Variants in ZG16B observed in about 807,000 individuals in gnomAD.
ZG16B encodes pancreatic adenocarcinoma up-regulated factor.
In ZG16B, 8 loss-of-function variants were observed where a neutral mutation model predicts 7.0. The ratio of observed to expected loss-of-function variants is 1.15; its 90% CI spans 0.68 to 2.08. The LOEUF (loss-of-function observed/expected upper bound fraction) is 2.08, where lower values mean the gene tolerates loss of function less well. ZG16B is among the 30% of genes most tolerant of loss of function. The pLI is 0.00. For synonymous variants in ZG16B, 92 were observed against 86.1 expected (o/e 1.07, Z -0.38); for missense variants, 232 against 211.0 (o/e 1.10, Z -0.62).
chr16:2,832,254 C>A lies in ZG16B; in HGVS notation c.*95C>A. 2.0e-6 allele frequency: 3 copies of A among 1,507,824 alleles called. No homozygotes were observed. Among genetic ancestry groups the A allele is most frequent in the Non-Finnish European group, 2.7e-6 (3 of 1,125,242 alleles). The allele number at this position is 1,507,824 out of a possible 1,614,324, so 93.4% of individuals were successfully genotyped here. ...GTCGGGACGCTGAATCTGAATCCAC[C>A]AATAAATAAAGGTTCTGCAGAATCA... On this transcript the variant is annotated 3_prime_UTR_variant, in exon 4 of 4. Coordinates refer to ENST00000382280, the MANE Select transcript of ZG16B (RefSeq NM_145252.3).
Position 2,830,420 on chromosome 16 carries a change from T to G in ZG16B, c.-22T>G, listed in dbSNP as rs1029436427. The G allele has an allele frequency of 3.7e-6, 6 of 1,604,124 alleles. No homozygotes were observed. Among genetic ancestry groups the G allele is most frequent in the Non-Finnish European group, 5.1e-6 (6 of 1,175,926 alleles). On this transcript the variant is annotated 5_prime_UTR_variant, in exon 2 of 4. Transcript: ENST00000382280. ...GGCCTCTCTTCTTCCCACAGAGCCCTGGGATGCACCGGCCAGAGGCCATGC... is the reference window on the plus strand; with the variant it reads ...GGCCTCTCTTCTTCCCACAGAGCCCGGGGATGCACCGGCCAGAGGCCATGC...
intron 3 of ZG16B, among the ~76,000 whole-genome samples, chr16:2,831,420 A>G (rs2069255187): frequency 6.6e-6 from 1 of 152,110 alleles, no homozygotes; most frequent in Admixed American, 6.5e-5. Context: ...TGGAGTGACT[A>G]AGGCTCGGGA....
rs370644976 is a variant in ZG16B at position 2,831,880 on chromosome 16, C to A, written c.240C>A (p.Gly80=). Reference sequence around the variant, plus strand: ...CCCAGGAAGTCACCCTGCAGCCAGGCGAATACATCACAAAAGTCTTTGTCG... The same window carrying A: ...CCCAGGAAGTCACCCTGCAGCCAGGAGAATACATCACAAAAGTCTTTGTCG... ...GNTQEVTLQP[G]EYITKVFVAF... is the part of the protein sequence containing the mutation. The change falls in exon 4 of 4, where the codon GGC becomes GGA. Residue 80 remains glycine, a synonymous_variant. Coordinates refer to ENST00000382280, the MANE Select transcript of ZG16B (RefSeq NM_145252.3). 4 of 1,613,974 alleles carry A rather than the reference C, an allele frequency of 2.5e-6. No individual in the cohort carries two copies. The African/African-American group carries it at 4.0e-5, about 16-fold the overall frequency.
At position 2,832,107 on chromosome 16, in the gene ZG16B, C is replaced by G. The variant is rs1192364039; in HGVS notation, c.467C>G (p.Thr156Ser). ...AATTATCCACTAGAGGAGCCGACCA[C>G]TGAGCCACCAGTTAATCTCACATAC... Reference protein sequence around the residue: ...EWNYPLEEPTTEPPVNLTYSA... With the variant: ...EWNYPLEEPTSEPPVNLTYSA... The change falls in exon 4 of 4, where the codon ACT becomes AGT. Residue 156 changes from threonine (T) to serine (S), a missense_variant. Thr to Ser is a moderately conservative substitution (Grantham distance 58). Transcript: ENST00000382280. The G allele has an allele frequency of 6.2e-7, 1 of 1,614,146 alleles. No individual in the cohort carries two copies. Among genetic ancestry groups the G allele is most frequent in the South Asian group, 1.1e-5 (1 of 91,074 alleles).
At chr16:2,830,873 T>TTCCTGTGCAA (rs2069251044) in intron 3 of ZG16B, 77 bp downstream of exon 3, 8 of 1,505,218 alleles carry the variant, frequency 5.3e-6, no homozygotes, top group Admixed American at 1.7e-5. Flanking sequence ...GGGCAGGGGG[T>TTCCTGTGCAA]AAGCACCCGT....
chr16:2,831,805 G>A lies in ZG16B; in HGVS notation c.165G>A (p.Val55=). 2 of 1,611,648 alleles carry A rather than the reference G, an allele frequency of 1.2e-6. No individual in the cohort carries two copies. Among genetic ancestry groups the A allele is most frequent in the Non-Finnish European group, 1.7e-6 (2 of 1,178,358 alleles). Residue 55 remains valine (V), a synonymous_variant, in exon 4 of 4, where the codon GTG becomes GTA. Transcript: ENST00000382280. ...VGLLLVKSVQ[V]KLGDSWDVKL... is the part of the protein sequence containing the mutation. ...TTTGCCTCTCTCCCAGTGTCCAGGT[G>A]AAACTTGGAGACTCCTGGGACGTGA...
At chr16:2,831,371 G>A (rs950909305) in intron 3 of ZG16B, among the ~76,000 whole-genome samples, 5 of 152,196 alleles carry the variant, frequency 3.3e-5, no homozygotes, top group South Asian at 4.1e-4. Context: ...TGGCGAGTGT[G>A]GGAAGTCACC....
chr16:2,831,651 G>A, intron 3 of ZG16B, 145 bp from the exon 4 acceptor site: 2 of 1,216,484 alleles, frequency 1.6e-6, no homozygotes, highest in Middle Eastern at 2.9e-4. Flanking sequence ...AATCAGGGTT[G>A]GTGACCAGTG....
chr16:2,831,730 G>A (rs549713129), intron 3 of ZG16B, 66 bp from the exon 4 acceptor site: 27 of 1,544,980 alleles, frequency 1.7e-5, no homozygotes, highest in East Asian at 2.3e-5. Flanking sequence ...GGATGGGGGC[G>A]CTGAGGACCC....
rs927439407 is a variant in ZG16B at position 2,830,312 on chromosome 16, G to A, written c.-44G>A. The A allele has an allele frequency of 4.0e-5, 64 of 1,613,140 alleles. No homozygotes were observed. Among genetic ancestry groups the A allele is most frequent in the Non-Finnish European group, 4.8e-5 (57 of 1,179,650 alleles). ...TGGAGGGTGCCCGGCACAACCAGAC[G>A]CCCAGTCACAGGCGAGGTAAGGTGC... On this transcript the variant is annotated 5_prime_UTR_variant, in exon 1 of 4. Transcript: ENST00000382280.
At chr16:2,831,245 G>A (rs2069254057) in intron 3 of ZG16B, 1 of 187,664 alleles carries the variant, frequency 5.3e-6, no homozygotes, top group East Asian at 1.4e-4. Flanking sequence ...CTGGGAGAGG[G>A]GAGAGAAGCC....
Position 2,832,089 on chromosome 16 carries a change from C to T in ZG16B, c.449C>T (p.Pro150Leu), listed in dbSNP as rs910967013. ...IKSIGFEWNY[P>L]LEEPTTEPPV... Reference sequence around the variant, plus strand: ...AGCATTGGCTTTGAATGGAATTATCCACTAGAGGAGCCGACCACTGAGCCA... The same window carrying T: ...AGCATTGGCTTTGAATGGAATTATCTACTAGAGGAGCCGACCACTGAGCCA... The change falls in exon 4 of 4, where the codon CCA becomes CTA. Residue 150 changes from proline (P) to leucine (L), a missense_variant. Pro to Leu is a moderately conservative substitution (Grantham distance 98). Transcript: ENST00000382280. 3 of 1,614,096 alleles carry T rather than the reference C, an allele frequency of 1.9e-6. No individual in the cohort carries two copies. The African/African-American group carries it at 4.0e-5, about 22-fold the overall frequency.
rs560278319 is a variant in ZG16B, at chr16:2,830,683, C to G, written c.53-11C>G. The stretch of plus-strand genomic sequence containing the variant: ...GGGATTTTCTTCCCTTTGGGTCTCT[C>G]TTTTCTTCAGAGATGTATGGCCCTG... On this transcript the variant is annotated splice_polypyrimidine_tract_variant and intron_variant, in intron 2 of 3. Transcript: ENST00000382280. 2 of 1,614,190 alleles carry G rather than the reference C, an allele frequency of 1.2e-6. No individual in the cohort carries two copies. Among genetic ancestry groups the G allele is most frequent in the South Asian group, 1.1e-5 (1 of 91,074 alleles).
chr16:2,831,787 C>T lies in ZG16B; in HGVS notation c.156-9C>T, dbSNP rs1156702690. On this transcript the variant is annotated splice_polypyrimidine_tract_variant and intron_variant, in intron 3 of 3. Transcript: ENST00000382280. ...GATCTGGACGTCCAAAGCTTTGCCT[C>T]TCTCCCAGTGTCCAGGTGAAACTTG... 6.2e-7 allele frequency: 1 copy of T among 1,606,114 alleles called. No individual in the cohort carries two copies. The highest frequency in any genetic ancestry group is 1.7e-5 in the Admixed American group (1 of 59,586).
rs866625237 is a variant in ZG16B, at chr16:2,831,389, C to T, written c.156-407C>T. Among the ~76,000 whole-genome samples, 2 of 152,262 alleles carry T rather than the reference C, an allele frequency of 1.3e-5. 1 individual carries two copies. Among genetic ancestry groups the T allele is most frequent in the Middle Eastern group, 6.8e-3 (2 of 294 alleles). On this transcript the variant is annotated intron_variant, in intron 3 of 3. Transcript: ENST00000382280. Reference sequence around the variant, plus strand: ...CGAGTGTGGGAAGTCACCTGCCCCTCGGCCTGTGAGCTGCTCTGCTTGGAG... The same window carrying T: ...CGAGTGTGGGAAGTCACCTGCCCCTTGGCCTGTGAGCTGCTCTGCTTGGAG...
Position 2,832,163 on chromosome 16 carries a change from G to A in ZG16B, c.*4G>A, listed in dbSNP as rs73495346. 2,338 of 1,609,842 alleles carry A rather than the reference G, an allele frequency of 1.5e-3. 23 individuals carry two copies. In the African/African-American group the frequency reaches 0.023, roughly 16 times the overall value. On this transcript the variant is annotated 3_prime_UTR_variant, in exon 4 of 4. Transcript: ENST00000382280. Reference sequence around the variant, plus strand: ...AAACTCACCCGTGGGTCGCTAGGGTGGGGTATGGGGCCATCCGAGCTGAGG... The same window carrying A: ...AAACTCACCCGTGGGTCGCTAGGGTAGGGTATGGGGCCATCCGAGCTGAGG...
In ZG16B at chr16:2,832,234, G is replaced by A. The variant is rs1567281194; in HGVS notation, c.*75G>A. 4 of 1,536,832 alleles carry A rather than the reference G, an allele frequency of 2.6e-6. No individual in the cohort carries two copies. The highest frequency in any genetic ancestry group is 1.4e-5 in the African/African-American group (1 of 72,508). The stretch of plus-strand genomic sequence containing the variant: ...GATGGTACTGGAGTAACTGAGTCGG[G>A]ACGCTGAATCTGAATCCACCAATAA... On this transcript the variant is annotated 3_prime_UTR_variant, in exon 4 of 4. Transcript: ENST00000382280.
chr16:2,832,269 C>G lies in ZG16B; in HGVS notation c.*110C>G. Reference sequence around the variant, plus strand: ...CTGAATCCACCAATAAATAAAGGTTCTGCAGAATCAGTGCATCCAGGATTG... The same window carrying G: ...CTGAATCCACCAATAAATAAAGGTTGTGCAGAATCAGTGCATCCAGGATTG... On this transcript the variant is annotated 3_prime_UTR_variant, in exon 4 of 4. Transcript: ENST00000382280. 1 of 1,469,888 alleles carries G rather than the reference C, an allele frequency of 6.8e-7. No homozygotes were observed. Among genetic ancestry groups the G allele is most frequent in the East Asian group, 2.3e-5 (1 of 43,784 alleles). The allele number at this position is 1,469,888 out of a possible 1,614,324, so 91.1% of individuals were successfully genotyped here.
chr16:2,832,256 A>G lies in ZG16B; in HGVS notation c.*97A>G. 2.0e-6 allele frequency: 3 copies of G among 1,505,986 alleles called. No homozygotes were observed. The highest frequency in any genetic ancestry group is 1.8e-6 in the Non-Finnish European group (2 of 1,124,688). The allele number at this position is 1,505,986 out of a possible 1,614,324, so 93.3% of individuals were successfully genotyped here. ...CGGGACGCTGAATCTGAATCCACCAATAAATAAAGGTTCTGCAGAATCAGT... is the reference window on the plus strand; with the variant it reads ...CGGGACGCTGAATCTGAATCCACCAGTAAATAAAGGTTCTGCAGAATCAGT... On this transcript the variant is annotated 3_prime_UTR_variant, in exon 4 of 4. Coordinates refer to ENST00000382280, the MANE Select transcript of ZG16B (RefSeq NM_145252.3).
Sources: allele counts gnomAD v4.1 joint callset (sites outside exome capture counted in the v4.1 genomes callset), GRCh38; gene constraint gnomAD v4.1.1; transcripts MANE v1.5; gene names NCBI Gene and HGNC (gene_info 2026-07-23, HGNC 2026-07-21).